ATRX: variants seen among roughly 807,000 people sequenced by gnomAD.
ATRX encodes the protein chromatin remodeler ATRX.
ATRX carries 12 observed loss-of-function variants against 172.6 expected under a neutral mutation model. The observed-to-expected ratio is 0.07, with a 90% CI of 0.04 to 0.11. ATRX has a LOEUF of 0.11. Among genes scored for constraint, ATRX ranks in the 10% least tolerant of loss-of-function variants. The probability of loss-of-function intolerance (pLI) is 1.00; values close to 1 mark genes in which losing one functional copy is unlikely to be tolerated. For missense variants in ATRX, 1,368 were observed against 1,767.4 expected, an observed-to-expected ratio of 0.77 and a Z score of 4.05; for synonymous variants, 674 against 594.7, an observed-to-expected ratio of 1.13 and a Z score of -1.94.
intron 30 of ATRX, among the ~76,000 whole-genome samples, chrX:77,542,637 A>G (rs1339457657): frequency 8.9e-6 from 1 of 111,763 alleles, no homozygotes; most frequent in African/African-American, 3.3e-5. Flanking sequence ...CCAATGGAAC[A>G]AAACAGAGGC....
chrX:77,521,826 C>T (rs1267490152), intron 32 of ATRX: 2 of 211,231 alleles, frequency 9.5e-6, no homozygotes, highest in African/African-American at 5.8e-5. Context: ...ATTTAATTTA[C>T]AATTGATTCT....
intron 15 of ATRX, among the ~76,000 whole-genome samples, chrX:77,637,939 C>CAAAAAAAAAAAAA (rs373944111): frequency 7.0e-5 from 3 of 42,863 alleles, no homozygotes; most frequent in African/African-American, 1.0e-4. Flanking sequence ...AGCTCCATCT[C>CAAAAAAAAAAAAA]AAAAAAAAAA....
At chrX:77,593,458 T>C (rs782502863) in intron 26 of ATRX, among the ~76,000 whole-genome samples, 1 of 110,158 alleles carries the variant, frequency 9.1e-6, no homozygotes, top group East Asian at 2.8e-4. Flanking sequence ...AGGAAATAAG[T>C]TCAAGTTGCA....
At chrX:77,710,933 A>AACAC (rs145847838) in intron 2 of ATRX, among the ~76,000 whole-genome samples, 3,288 of 97,846 alleles carry the variant, frequency 0.034, 61 homozygotes, top group East Asian at 0.091. Flanking sequence ...ATAGAACTTT[A>AACAC]ACACACACAC....
chrX:77,619,165 G>A (rs1265785997), intron 20 of ATRX, among the ~76,000 whole-genome samples, 184 bp from the exon 21 acceptor site: 1 of 111,563 alleles, frequency 9.0e-6, no homozygotes, highest in Non-Finnish European at 1.9e-5. Context: ...TTACCAAAAC[G>A]AGAGAGAAAA....
Position 77,642,697 on chromosome X carries a change from A to T in ATRX, c.4558-6641T>A, listed in dbSNP as rs377044741. On this transcript the variant is annotated intron_variant, in intron 15 of 34. Coordinates refer to ENST00000373344, the MANE Select transcript of ATRX (RefSeq NM_000489.6). ...AGAAGGGAAAATGTAGATATCAACA[A>T]AACAATAGATTAGGAAGCTCCAAAC... Among the ~76,000 whole-genome samples the T allele has an allele frequency of 5.4e-5, 6 of 111,388 alleles. No individual in the cohort carries two copies. The East Asian group carries it at 1.7e-3, about 31-fold the overall frequency.
At chrX:77,636,749 T>C (rs1331539151) in intron 15 of ATRX, among the ~76,000 whole-genome samples, 1 of 102,269 alleles carries the variant, frequency 9.8e-6, no homozygotes, top group Non-Finnish European at 2.0e-5. Context: ...TTCCCTGTTG[T>C]TGGTTGCTAT....
intron 1 of ATRX, among the ~76,000 whole-genome samples, chrX:77,719,695 G>C (rs782037343): frequency 9.0e-6 from 1 of 111,370 alleles, no homozygotes; most frequent in African/African-American, 3.3e-5. Flanking sequence ...AGTTCTTAGA[G>C]ACCTACAAAG....
chrX:77,535,899 GTT>G (rs76403382), intron 30 of ATRX, among the ~76,000 whole-genome samples: 42 of 95,758 alleles, frequency 4.4e-4, no homozygotes, highest in African/African-American at 1.5e-3. Context: ...ATTTTTTTGT[GTT>G]TTTTTTTTTT....
chrX:77,727,678 G>T (rs1202217548), intron 1 of ATRX, among the ~76,000 whole-genome samples: 1 of 107,967 alleles, frequency 9.3e-6, no homozygotes, highest in Non-Finnish European at 1.9e-5. Context: ...GGGGCCTGTT[G>T]GGGGGTTGGG....
At chrX:77,710,909 TA>T (rs1232495256) in intron 2 of ATRX, among the ~76,000 whole-genome samples, 7 of 92,651 alleles carry the variant, frequency 7.6e-5, no homozygotes, top group African/African-American at 2.6e-4. Context: ...TCAACCCAGG[TA>T]AAAAAAAAAT....
At chrX:77,616,316 T>A in intron 22 of ATRX, 1 of 911,572 alleles carries the variant, frequency 1.1e-6, no homozygotes, top group Non-Finnish European at 1.4e-6. Context: ...TGGAATTTTG[T>A]ATATCTTCTT....
At chrX:77,625,999 C>T (rs2067813770) in intron 19 of ATRX, among the ~76,000 whole-genome samples, 1 of 83,522 alleles carries the variant, frequency 1.2e-5, no homozygotes, top group Non-Finnish European at 2.2e-5. Context: ...AAATGCCCAT[C>T]AATGAATGAG....
intron 30 of ATRX, among the ~76,000 whole-genome samples, chrX:77,536,152 C>T (rs1557048307): frequency 1.8e-5 from 2 of 110,708 alleles, no homozygotes; most frequent in Non-Finnish European, 1.9e-5. Context: ...TGAGCTCAAA[C>T]AATCCTCCTG....
chrX:77,660,562 G>A (rs1176636813), intron 12 of ATRX, among the ~76,000 whole-genome samples: 4 of 107,664 alleles, frequency 3.7e-5, no homozygotes, highest in Non-Finnish European at 7.7e-5. Flanking sequence ...GCAAGACTCC[G>A]ACTCAAAATA....
intron 30 of ATRX, among the ~76,000 whole-genome samples, chrX:77,554,014 A>C (rs1224448510): frequency 1.8e-5 from 2 of 111,864 alleles, no homozygotes; most frequent in Non-Finnish European, 3.8e-5. Flanking sequence ...ATTTAAGATA[A>C]AATTTTTTGG....
intron 9 of ATRX, among the ~76,000 whole-genome samples, chrX:77,678,178 C>T (rs1181738776): frequency 1.5e-4 from 16 of 107,264 alleles, no homozygotes; most frequent in African/African-American, 4.1e-4. Flanking sequence ...GCCGAGATTG[C>T]ACCACTGCAC....
intron 1 of ATRX, among the ~76,000 whole-genome samples, chrX:77,765,792 A>G (rs199848443): frequency 0.096 from 10,284 of 107,463 alleles, 624 homozygotes; most frequent in African/African-American, 0.22. Context: ...CAGCAGATAA[A>G]CAAGTGAACA....
intron 10 of ATRX, chrX:77,674,207 A>G (rs1442062330): frequency 9.0e-6 from 1 of 111,550 alleles, no homozygotes; most frequent in African/African-American, 3.2e-5. Flanking sequence ...TGATCTGCAA[A>G]TGAATTTTTT....
Sources: allele counts gnomAD v4.1 joint callset (sites outside exome capture counted in the v4.1 genomes callset), GRCh38; gene constraint gnomAD v4.1.1; transcripts MANE v1.5; gene names NCBI Gene and HGNC (gene_info 2026-07-23, HGNC 2026-07-21).